TNFSF15: variants seen among roughly 807,000 people sequenced by gnomAD.
The protein encoded by TNFSF15 is tumor necrosis factor ligand superfamily member 15.
A neutral mutation model predicts 26.4 loss-of-function variants in TNFSF15; 15 were observed. That is an observed-to-expected ratio of 0.57 (90% CI 0.38 to 0.87). The LOEUF (loss-of-function observed/expected upper bound fraction) is 0.87, where lower values mean the gene tolerates loss of function less well. Among genes scored for constraint, TNFSF15 ranks in the 40% least tolerant of loss-of-function variants. The pLI is 0.00. For synonymous variants in TNFSF15, 116 were observed against 115.0 expected, an observed-to-expected ratio of 1.01 and a Z score of -0.06; for missense variants, 290 against 306.1, an observed-to-expected ratio of 0.95 and a Z score of 0.39.
At position 114,789,473 on chromosome 9, in the gene TNFSF15, C is replaced by T. The variant is rs1044938450; in HGVS notation, c.*979G>A. The T allele has an allele frequency of 1.3e-5, 2 of 152,244 alleles. No homozygotes were observed. Among genetic ancestry groups the T allele is most frequent in the South Asian group, 2.1e-4 (1 of 4,828 alleles). 9.4% of individuals were successfully genotyped at this position (152,244 alleles called of 1,614,324 possible). On this transcript the variant is annotated 3_prime_UTR_variant, in exon 4 of 4. Coordinates refer to ENST00000374045, the MANE Select transcript of TNFSF15 (RefSeq NM_005118.4). ...AGGATTACAGCCATGCGCTACCACG[C>T]CCGGCTAATTTTGTATTTTTAGTAG...
intron 1 of TNFSF15, among the ~76,000 whole-genome samples, chr9:114,794,002 C>G (rs1320403524): frequency 6.6e-6 from 1 of 152,192 alleles, no homozygotes. Flanking sequence ...TTTTCATCAG[C>G]CTCAACAATT....
chr9:114,805,854 G>A lies in TNFSF15; in HGVS notation c.159C>T (p.Tyr53=), dbSNP rs986569840. The A allele has an allele frequency of 6.2e-7, 1 of 1,613,974 alleles. No homozygotes were observed. Among genetic ancestry groups the A allele is most frequent in the Admixed American group, 1.7e-5 (1 of 60,034 alleles). ...GGGCCCGGAGCTGGCTGACAAGCAG[G>A]TATGTGGTGAGTCCTGCAAGGAAGG... The part of the protein sequence containing the change: ...LLPFLAGLTT[Y]LLVSQLRAQG... The change falls in exon 1 of 4, where the codon TAC becomes TAT. Residue 53 remains tyrosine (Y), a synonymous_variant. Transcript: ENST00000374045.
At chr9:114,791,534 A>G (rs1209445137) in intron 3 of TNFSF15, 1 of 170,010 alleles carries the variant, frequency 5.9e-6, no homozygotes, top group Non-Finnish European at 1.4e-5. Flanking sequence ...TTGGGCCACA[A>G]GGATATCCCC....
At chr9:114,792,553 C>A (rs778062353) in intron 2 of TNFSF15, 99 bp from the exon 3 acceptor site, 10 of 1,582,646 alleles carry the variant, frequency 6.3e-6, no homozygotes, top group South Asian at 1.1e-5. Context: ...AGGAGAGAAA[C>A]CTTGATCTCC....
chr9:114,794,066 T>C (rs2131303980), intron 1 of TNFSF15, among the ~76,000 whole-genome samples: 1 of 152,372 alleles, frequency 6.6e-6, no homozygotes, highest in South Asian at 2.1e-4. Flanking sequence ...GCAACCCTAG[T>C]TTGTGAGCTA....
At chr9:114,803,597 G>T (rs1829776322) in intron 1 of TNFSF15, among the ~76,000 whole-genome samples, 2 of 152,184 alleles carry the variant, frequency 1.3e-5, no homozygotes, top group African/African-American at 4.8e-5. Flanking sequence ...GTCCTGTGAA[G>T]CTGACTCCTG....
chr9:114,797,220 A>T (rs1213045056), intron 1 of TNFSF15, among the ~76,000 whole-genome samples: 2 of 152,226 alleles, frequency 1.3e-5, no homozygotes, highest in Non-Finnish European at 2.9e-5. Flanking sequence ...TGTCATTAGC[A>T]TGTATCTGAG....
intron 1 of TNFSF15, among the ~76,000 whole-genome samples, chr9:114,804,887 AT>A (rs1490332157): frequency 6.6e-6 from 1 of 152,048 alleles, no homozygotes; most frequent in Non-Finnish European, 1.5e-5. Context: ...TTGAAAACCC[AT>A]TTTTTTCCCT....
chr9:114,800,134 G>C (rs1015143386), intron 1 of TNFSF15, among the ~76,000 whole-genome samples: 1 of 152,120 alleles, frequency 6.6e-6, no homozygotes, highest in Admixed American at 6.5e-5. Flanking sequence ...GGAGTGGGGA[G>C]GGGGAGGGGG....
chr9:114,797,611 T>C (rs537162345), intron 1 of TNFSF15, among the ~76,000 whole-genome samples: 11 of 152,204 alleles, frequency 7.2e-5, no homozygotes, highest in South Asian at 2.1e-4. Context: ...CTCAGGATGG[T>C]TCCTGGGAAC....
intron 1 of TNFSF15, 113 bp downstream of exon 1, chr9:114,805,690 C>T (rs896317477): frequency 3.5e-5 from 37 of 1,064,060 alleles, no homozygotes; most frequent in Non-Finnish European, 4.9e-5. Flanking sequence ...CATGTAGAAA[C>T]AAGAAATGTG....
At chr9:114,793,000 C>T (rs1450953634) in intron 2 of TNFSF15, among the ~76,000 whole-genome samples, 1 of 152,114 alleles carries the variant, frequency 6.6e-6, no homozygotes, top group Non-Finnish European at 1.5e-5. Context: ...CTCTGTTTGT[C>T]TATTAGTTCT....
intron 2 of TNFSF15, 23 bp downstream of exon 2, chr9:114,793,503 G>A: frequency 6.2e-7 from 1 of 1,613,130 alleles, no homozygotes; most frequent in Non-Finnish European, 8.5e-7. Flanking sequence ...ACGAGGAAAG[G>A]CGTTGAAGAT....
chr9:114,801,697 A>T (rs1829751257), intron 1 of TNFSF15, among the ~76,000 whole-genome samples: 1 of 152,238 alleles, frequency 6.6e-6, no homozygotes, highest in Admixed American at 6.5e-5. Context: ...ATGGTTAAGA[A>T]GTGTCTAGGC....
At chr9:114,802,982 T>G (rs535418556) in intron 1 of TNFSF15, among the ~76,000 whole-genome samples, 51 of 152,292 alleles carry the variant, frequency 3.3e-4, no homozygotes, top group Admixed American at 3.0e-3. Context: ...CTAGGCACTT[T>G]AGGCTAGCTG....
chr9:114,792,180 A>G, intron 3 of TNFSF15: 1 of 546,286 alleles, frequency 1.8e-6, no homozygotes, highest in Non-Finnish European at 3.2e-6. Context: ...CAACAGATGA[A>G]TAGATAAGGA....
chr9:114,804,139 A>C lies in TNFSF15; in HGVS notation c.210+1664T>G, dbSNP rs114124686. On this transcript the variant is annotated intron_variant, in intron 1 of 3. Transcript: ENST00000374045. ...ACCAGAGCTGCAATCATCCCCACAC[A>C]TCTGCTCTCCAGGAAGATGAATTTA... 6.0e-3 allele frequency among the ~76,000 whole-genome samples: 918 copies of C among 152,260 alleles called. 10 individuals are homozygous for C. The highest frequency in any genetic ancestry group is 0.021 in the African/African-American group (876 of 41,532).
Position 114,785,099 on chromosome 9 carries a change from G to T in TNFSF15, c.*5353C>A, listed in dbSNP as rs574174158. The T allele has an allele frequency of 6.6e-6, 1 of 152,188 alleles. No homozygotes were observed. The highest frequency in any genetic ancestry group is 2.4e-5 in the African/African-American group (1 of 41,438). The allele number at this position is 152,188 out of a possible 1,614,324, so 9.4% of individuals were successfully genotyped here. ...CCAGTATCCAGGCAAGTGCTGCCAC[G>T]TGACAGATGCTCAAAACAAAAATGA... On this transcript the variant is annotated 3_prime_UTR_variant, in exon 4 of 4. Transcript: ENST00000374045.
Position 114,805,873 on chromosome 9 carries a change from A to G in TNFSF15, c.140T>C (p.Leu47Pro), listed in dbSNP as rs1320756540. 2 of 1,613,916 alleles carry G rather than the reference A, an allele frequency of 1.2e-6. No individual in the cohort carries two copies. The highest frequency in any genetic ancestry group is 2.7e-5 in the African/African-American group (2 of 74,940). Residue 47 changes from leucine (L) to proline (P), a missense_variant, in exon 1 of 4, where the codon CTT becomes CCT. This residue lies in a region of TNFSF15 where 179 missense variants were observed against 165.9 expected (regional missense o/e 1.08). Transcript: ENST00000374045. ...AAGCAGGTATGTGGTGAGTCCTGCA[A>G]GGAAGGGGAGCAACACCAGGCAGCA... ...LTCCLVLLPF[L>P]AGLTTYLLVS...
Sources: gnomAD v4.1 joint callset for allele counts (sites outside exome capture counted in the v4.1 genomes callset) on GRCh38, gnomAD v4.1.1 for gene constraint, gnomAD v4.1.1 regional missense constraint, MANE v1.5 for transcripts, NCBI Gene and HGNC (gene_info 2026-07-23, HGNC 2026-07-21) for gene names.